LSAMP: variants seen among roughly 807,000 people sequenced by gnomAD.
LSAMP encodes the protein limbic system-associated membrane protein.
A neutral mutation model predicts 38.6 loss-of-function variants in LSAMP; 7 were observed. The observed-to-expected ratio is 0.18, with a 90% confidence interval of 0.10 to 0.34. The LOEUF (loss-of-function observed/expected upper bound fraction) is 0.34, where lower values mean the gene tolerates loss of function less well. Among genes scored for constraint, LSAMP ranks in the 10% least tolerant of loss-of-function variants. The pLI is 1.00. For missense variants in LSAMP, 313 were observed against 420.0 expected (o/e 0.75, Z 2.23); for synonymous variants, 154 against 166.8 (o/e 0.92, Z 0.59).
intron 3 of LSAMP, among the ~76,000 whole-genome samples, chr3:115,943,304 A>G (rs1937990618): frequency 6.6e-6 from 1 of 152,136 alleles, no homozygotes; most frequent in Admixed American, 6.5e-5. Context: ...ACTTCTTTTC[A>G]GAATACTTTA....
intron 1 of LSAMP, among the ~76,000 whole-genome samples, chr3:116,223,692 A>G (rs942219999): frequency 1.3e-5 from 2 of 152,202 alleles, no homozygotes; most frequent in African/African-American, 4.8e-5. Flanking sequence ...GATGGTATTT[A>G]ATGTTGACAC....
At chr3:115,903,508 G>T (rs1400258) in intron 3 of LSAMP, among the ~76,000 whole-genome samples, 3 of 152,072 alleles carry the variant, frequency 2.0e-5, no homozygotes, top group African/African-American at 7.2e-5. Flanking sequence ...TCAAAAAAAA[G>T]GTGTCAACAA....
chr3:116,434,169 A>ATATCTTCCT (rs1354117125), intron 1 of LSAMP, among the ~76,000 whole-genome samples: 1 of 152,246 alleles, frequency 6.6e-6, no homozygotes, highest in East Asian at 1.9e-4. Flanking sequence ...CTTCACCAAA[A>ATATCTTCCT]TATCTTCCTT....
chr3:115,930,008 T>TTTTTTTTC, intron 3 of LSAMP, among the ~76,000 whole-genome samples: 1 of 136,472 alleles, frequency 7.3e-6, no homozygotes, highest in African/African-American at 2.7e-5. Flanking sequence ...AGAAGTTTTT[T>TTTTTTTTC]TTTTTTTTTT....
intron 1 of LSAMP, among the ~76,000 whole-genome samples, chr3:116,090,203 C>A (rs1398650372): frequency 1.5e-5 from 2 of 137,602 alleles, no homozygotes; most frequent in African/African-American, 2.7e-5. Context: ...CAGAGTGAGA[C>A]CTTGTCTAAA....
chr3:116,170,743 A>G (rs577990980), intron 1 of LSAMP, among the ~76,000 whole-genome samples: 5 of 152,290 alleles, frequency 3.3e-5, no homozygotes, highest in Non-Finnish European at 5.9e-5. Flanking sequence ...AACTACTTGG[A>G]TGATTTTGGC....
At chr3:116,102,402 TCTAA>T (rs1475036771) in intron 1 of LSAMP, among the ~76,000 whole-genome samples, 3 of 152,352 alleles carry the variant, frequency 2.0e-5, no homozygotes, top group South Asian at 2.1e-4. Flanking sequence ...ATTTTATTTG[TCTAA>T]CTGACTGGGC....
chr3:116,022,361 G>T lies in LSAMP; in HGVS notation c.389-2721C>A, dbSNP rs181432653. Reference sequence around the variant, plus strand: ...CAATCTCTCTTTCCAAATCTCTTGCGGGAATTGTTCTACACCACATCGTCA... The same window carrying T: ...CAATCTCTCTTTCCAAATCTCTTGCTGGAATTGTTCTACACCACATCGTCA... On this transcript the variant is annotated intron_variant, in intron 2 of 6. Transcript: ENST00000490035. Among the ~76,000 whole-genome samples the T allele has an allele frequency of 5.0e-4, 76 of 151,090 alleles. 1 individual carries two copies. The highest frequency in any genetic ancestry group is 1.7e-3 in the African/African-American group (70 of 41,126).
chr3:116,286,550 T>C (rs180865048), intron 1 of LSAMP, among the ~76,000 whole-genome samples: 17 of 152,220 alleles, frequency 1.1e-4, no homozygotes, highest in African/African-American at 3.9e-4. Flanking sequence ...GCTTCTATGG[T>C]TTTAATCACT....
intron 1 of LSAMP, among the ~76,000 whole-genome samples, chr3:116,441,490 T>C (rs1369985819): frequency 1.3e-5 from 2 of 152,238 alleles, no homozygotes; most frequent in Non-Finnish European, 2.9e-5. Flanking sequence ...GTTGAAAATA[T>C]GGTCAGTAGG....
intron 1 of LSAMP, among the ~76,000 whole-genome samples, chr3:116,155,740 T>C (rs1357884786): frequency 7.1e-6 from 1 of 140,656 alleles, no homozygotes; most frequent in African/African-American, 2.6e-5. Context: ...TAAGTAGAGA[T>C]TTGCATTTTT....
intron 1 of LSAMP, among the ~76,000 whole-genome samples, chr3:116,300,267 G>A (rs541791425): frequency 6.6e-6 from 1 of 152,322 alleles, no homozygotes; most frequent in South Asian, 2.1e-4. Context: ...GCATCCCCTT[G>A]CTTAGGCAAA....
intron 1 of LSAMP, among the ~76,000 whole-genome samples, chr3:116,424,545 G>A (rs1013312204): frequency 1.3e-5 from 2 of 152,198 alleles, no homozygotes; most frequent in Non-Finnish European, 2.9e-5. Flanking sequence ...GAATACGGCA[G>A]TACATGGATA....
chr3:116,414,750 T>C (rs2049026557), intron 1 of LSAMP, among the ~76,000 whole-genome samples: 1 of 152,172 alleles, frequency 6.6e-6, no homozygotes, highest in Admixed American at 6.5e-5. Context: ...CTGTGATCTG[T>C]GACTTTTTGC....
In LSAMP at chr3:116,052,370, G is replaced by A. The variant is rs60614367; in HGVS notation, c.389-32730C>T. ...TTAGAAGAAAAGAGTCAGAAGAAACGTTGTATGTGTTTTTCAGTTTCCCCT... is the reference window on the plus strand; with the variant it reads ...TTAGAAGAAAAGAGTCAGAAGAAACATTGTATGTGTTTTTCAGTTTCCCCT... On this transcript the variant is annotated intron_variant, in intron 2 of 6. Coordinates refer to ENST00000490035, the MANE Select transcript of LSAMP (RefSeq NM_002338.5). 1.6e-3 allele frequency among the ~76,000 whole-genome samples: 246 copies of A among 152,250 alleles called. 1 individual carries two copies. The highest frequency in any genetic ancestry group is 5.7e-3 in the African/African-American group (236 of 41,542).
chr3:116,414,171 G>A (rs976826319), intron 1 of LSAMP, among the ~76,000 whole-genome samples: 1 of 151,808 alleles, frequency 6.6e-6, no homozygotes, highest in African/African-American at 2.4e-5. Flanking sequence ...ATTTTTGGAG[G>A]GTAAATTTTA....
At chr3:116,329,494 A>G (rs2047820794) in intron 1 of LSAMP, among the ~76,000 whole-genome samples, 1 of 152,190 alleles carries the variant, frequency 6.6e-6, no homozygotes, top group Admixed American at 6.5e-5. Flanking sequence ...ATAAACATGA[A>G]CTTTGGACTT....
Position 116,053,368 on chromosome 3 carries a change from A to G in LSAMP, c.388+32956T>C, listed in dbSNP as rs975875152. Reference sequence around the variant, plus strand: ...CTTTCCTGCCCTCAGTGTTCTTACAATCCAGGAAGTGAGACAGGAATATAG... The same window carrying G: ...CTTTCCTGCCCTCAGTGTTCTTACAGTCCAGGAAGTGAGACAGGAATATAG... On this transcript the variant is annotated intron_variant, in intron 2 of 6. Transcript: ENST00000490035. 5.3e-5 allele frequency among the ~76,000 whole-genome samples: 8 copies of G among 152,206 alleles called. No individual in the cohort carries two copies. The East Asian group carries it at 5.8e-4, about 11-fold the overall frequency.
At chr3:116,047,614 C>T (rs192476141) in intron 2 of LSAMP, among the ~76,000 whole-genome samples, 4 of 152,146 alleles carry the variant, frequency 2.6e-5, no homozygotes, top group African/African-American at 4.8e-5. Flanking sequence ...CCTTGGACAA[C>T]TCTGACTTCA....
Sources: gnomAD v4.1 joint callset for allele counts (sites outside exome capture counted in the v4.1 genomes callset) on GRCh38, gnomAD v4.1.1 for gene constraint, MANE v1.5 for transcripts, NCBI Gene and HGNC (gene_info 2026-07-23, HGNC 2026-07-21) for gene names.